DNAAF9: variants seen among roughly 807,000 people sequenced by gnomAD.
DNAAF9 encodes the protein shulin.
DNAAF9 carries 90 observed loss-of-function variants against 167.0 expected under a neutral mutation model. That is an observed-to-expected ratio of 0.54 (90% CI 0.45 to 0.64). DNAAF9 has a LOEUF of 0.64. Among genes scored for constraint, DNAAF9 ranks in the 30% least tolerant of loss-of-function variants. The pLI is 0.00. For missense variants in DNAAF9, 1,315 were observed against 1,442.2 expected (o/e 0.91, Z 1.43); for synonymous variants, 491 against 508.8 (o/e 0.96, Z 0.47).
intron 14 of DNAAF9, among the ~76,000 whole-genome samples, chr20:3,324,662 C>T (rs2069678893): frequency 6.6e-6 from 1 of 152,140 alleles, no homozygotes; most frequent in Admixed American, 6.6e-5. Context: ...GTTAATCTGC[C>T]CTGCATTCTA....
chr20:3,383,185 G>A lies in DNAAF9; in HGVS notation c.84-679C>T, dbSNP rs143496704. On this transcript the variant is annotated intron_variant, in intron 1 of 36. Transcript: ENST00000252032. Reference sequence around the variant, plus strand: ...CCAGAAGCTCCAGAGAGAGGCGCCCGATTTCCTGCTCAAGACTGATTCTTC... The same window carrying A: ...CCAGAAGCTCCAGAGAGAGGCGCCCAATTTCCTGCTCAAGACTGATTCTTC... Among the ~76,000 whole-genome samples, 9 of 151,602 alleles carry A rather than the reference G, an allele frequency of 5.9e-5. No individual in the cohort carries two copies. In the East Asian group the frequency reaches 9.7e-4, roughly 16 times the overall value.
chr20:3,404,890 C>T lies in DNAAF9; in HGVS notation c.83+2585G>A, dbSNP rs571392880. Among the ~76,000 whole-genome samples the T allele has an allele frequency of 4.6e-5, 7 of 152,310 alleles. No homozygotes were observed. In the South Asian group the frequency reaches 1.0e-3, roughly 23 times the overall value. On this transcript the variant is annotated intron_variant, in intron 1 of 36. Transcript: ENST00000252032. ...TACCTTGGTAATAAGTCCAAAATCC[C>T]GGTGGTGTTTCACTTCTTGCTCAAC...
At chr20:3,404,039 G>C (rs2084023167) in intron 1 of DNAAF9, among the ~76,000 whole-genome samples, 9 of 152,098 alleles carry the variant, frequency 5.9e-5, no homozygotes, top group Admixed American at 5.9e-4. Context: ...TAGTCCTTTT[G>C]TTTTCTTGAG....
At chr20:3,363,151 C>T (rs1476195376) in intron 6 of DNAAF9, among the ~76,000 whole-genome samples, 1 of 151,624 alleles carries the variant, frequency 6.6e-6, no homozygotes, top group Non-Finnish European at 1.5e-5. Context: ...ATCACTTGGA[C>T]CCAGGAGGCG....
chr20:3,338,412 C>T (rs539556447), intron 10 of DNAAF9, among the ~76,000 whole-genome samples: 1 of 152,036 alleles, frequency 6.6e-6, no homozygotes, highest in East Asian at 1.9e-4. Flanking sequence ...TTCTCTTTGT[C>T]TTTGATCTTC....
At chr20:3,279,031 C>T (rs1296742970) in intron 28 of DNAAF9, 82 bp from the exon 29 acceptor site, 14 of 994,450 alleles carry the variant, frequency 1.4e-5, no homozygotes, top group Non-Finnish European at 2.1e-5. Context: ...AATAGGAGTA[C>T]CACTGACAAG....
At chr20:3,329,015 A>G (rs1005466658) in intron 12 of DNAAF9, among the ~76,000 whole-genome samples, 33 of 151,834 alleles carry the variant, frequency 2.2e-4, no homozygotes, top group African/African-American at 7.7e-4. Flanking sequence ...GATTACAGGC[A>G]TGTGCCACCA....
chr20:3,377,022 T>C (rs991078890), intron 3 of DNAAF9, among the ~76,000 whole-genome samples: 3 of 152,118 alleles, frequency 2.0e-5, no homozygotes, highest in Admixed American at 6.5e-5. Context: ...TGAGCTGAGA[T>C]TGCACCACTG....
At chr20:3,311,185 G>A (rs1489636374) in intron 20 of DNAAF9, among the ~76,000 whole-genome samples, 3 of 152,138 alleles carry the variant, frequency 2.0e-5, no homozygotes, top group Admixed American at 6.6e-5. Context: ...CTGTCAACCA[G>A]GCTGGAGTAC....
chr20:3,333,780 A>G (rs1356582924), intron 10 of DNAAF9, among the ~76,000 whole-genome samples: 2 of 152,116 alleles, frequency 1.3e-5, no homozygotes, highest in Non-Finnish European at 2.9e-5. Flanking sequence ...GTTCTCTTTC[A>G]CTTGTGTACA....
intron 4 of DNAAF9, 110 bp downstream of exon 4, chr20:3,376,068 T>A: frequency 1.0e-6 from 1 of 986,540 alleles, no homozygotes. Context: ...TAATCTTTTT[T>A]ATATAGTCAC....
At chr20:3,351,748 G>C (rs2070329577) in intron 7 of DNAAF9, among the ~76,000 whole-genome samples, 1 of 152,164 alleles carries the variant, frequency 6.6e-6, no homozygotes, top group Non-Finnish European at 1.5e-5. Flanking sequence ...GGAAGAGGAA[G>C]GAGGTAATGG....
chr20:3,353,677 C>T (rs1216717782), intron 7 of DNAAF9, among the ~76,000 whole-genome samples: 1 of 135,792 alleles, frequency 7.4e-6, no homozygotes, highest in Non-Finnish European at 1.5e-5. Context: ...ATACAGAACA[C>T]ACTGTGTTTC....
Position 3,294,626 on chromosome 20 carries a change from G to A in DNAAF9, c.2022C>T (p.His674=). Residue 674 remains histidine (H), a synonymous_variant, in exon 24 of 37, where the codon CAC becomes CAT. Transcript: ENST00000252032. ...CACTGAAGAGCTTCTGTGCACTGGA[G>A]TGCCTGGAATAACAAAAGCTCACAG... The part of the protein sequence containing the change: ...DGLSVEQKRL[H]SSAQKLFSAL... 3.1e-6 allele frequency: 5 copies of A among 1,602,574 alleles called. No individual in the cohort carries two copies. The highest frequency in any genetic ancestry group is 4.3e-6 in the Non-Finnish European group (5 of 1,169,550).
intron 27 of DNAAF9, among the ~76,000 whole-genome samples, chr20:3,282,948 C>T (rs978935492): frequency 6.6e-6 from 1 of 152,168 alleles, no homozygotes; most frequent in African/African-American, 2.4e-5. Context: ...AAGCCCCAAT[C>T]GGCAGCTATT....
Position 3,315,958 on chromosome 20 carries a change from G to A in DNAAF9, c.1540-173C>T. On this transcript the variant is annotated intron_variant, in intron 18 of 36. Coordinates refer to ENST00000252032, the MANE Select transcript of DNAAF9 (RefSeq NM_001009984.3). The surrounding 1 kb of genome is among the most constrained non-coding windows in gnomAD (Gnocchi z 4.1). ...CCTGAGATGTCTGCTGGTCACCTGG[G>A]CTCAGAGCCCAAGGCCTTGGTGGGC... 1 of 635,896 alleles carries A rather than the reference G, an allele frequency of 1.6e-6. No homozygotes were observed. Among genetic ancestry groups the A allele is most frequent in the Non-Finnish European group, 2.8e-6 (1 of 353,850 alleles). The allele number at this position is 635,896 out of a possible 1,614,324, so 39.4% of individuals were successfully genotyped here.
chr20:3,362,394 T>C (rs1600858456), intron 6 of DNAAF9: 1 of 469,690 alleles, frequency 2.1e-6, no homozygotes, highest in Non-Finnish European at 3.7e-6. Context: ...ATGTAAATAT[T>C]ATTTACTGCA....
chr20:3,322,387 A>G, intron 15 of DNAAF9, 125 bp from the exon 16 acceptor site: 1 of 801,540 alleles, frequency 1.2e-6, no homozygotes, highest in Non-Finnish European at 2.2e-6. Context: ...AGGGCCTTTC[A>G]AAACACTGGG....
intron 29 of DNAAF9, among the ~76,000 whole-genome samples, chr20:3,274,756 C>A (rs555136126): frequency 5.3e-5 from 8 of 152,320 alleles, no homozygotes; most frequent in Admixed American, 1.3e-4. Flanking sequence ...TGAGCATCAG[C>A]CTGAGAATTA....
Sources: gnomAD v4.1 joint callset for allele counts (sites outside exome capture counted in the v4.1 genomes callset) on GRCh38, gnomAD v4.1.1 for gene constraint, Gnocchi (gnomAD v3.1) non-coding constraint, MANE v1.5 for transcripts, NCBI Gene and HGNC (gene_info 2026-07-23, HGNC 2026-07-21) for gene names.